The following TEX10 variants were observed in gnomAD, a reference collection of about 807,000 sequenced individuals.
TEX10 encodes the protein testis expressed 10.
A neutral mutation model predicts 104.4 loss-of-function variants in TEX10; 24 were observed. The ratio of observed to expected loss-of-function variants is 0.23; its 90% CI spans 0.17 to 0.32. The LOEUF is 0.32. Ranked by LOEUF, TEX10 falls within the 10% of genes least tolerant of loss-of-function variation. The probability of loss-of-function intolerance (pLI) is 1.00; values close to 1 mark genes in which losing one functional copy is unlikely to be tolerated. For synonymous variants in TEX10, 396 were observed against 393.4 expected (o/e 1.01, Z -0.08); for missense variants, 921 against 1,083.9 (o/e 0.85, Z 2.11).
chr9:100,329,743 AC>A (rs1282510206), intron 6 of TEX10, among the ~76,000 whole-genome samples, 187 bp downstream of exon 6: 1 of 152,104 alleles, frequency 6.6e-6, no homozygotes, highest in African/African-American at 2.4e-5. Flanking sequence ...GAGTGGACCT[AC>A]CCACTTAGAG....
chr9:100,340,459 A>C lies in TEX10; in HGVS notation c.1138-90T>G, dbSNP rs1022689111. 21 of 735,384 alleles carry C rather than the reference A, an allele frequency of 2.9e-5. No individual in the cohort carries two copies. The East Asian group carries it at 6.1e-4, about 21-fold the overall frequency. 45.6% of individuals were successfully genotyped at this position (735,384 alleles called of 1,614,324 possible). On this transcript the variant is annotated intron_variant, in intron 4 of 14. Transcript: ENST00000374902. ...AAGAGAAATGACAACTTGTCAAATA[A>C]ATGTCCCATCATAATTCACTTTCTA...
At chr9:100,348,321 C>T (rs749476197) in intron 2 of TEX10, among the ~76,000 whole-genome samples, 1 of 152,276 alleles carries the variant, frequency 6.6e-6, no homozygotes, top group South Asian at 2.1e-4. Flanking sequence ...GTGATAAAAA[C>T]GTTCTAAAAT....
chr9:100,347,487 C>G (rs1463561659), intron 2 of TEX10, 81 bp from the exon 3 acceptor site: 2 of 1,086,534 alleles, frequency 1.8e-6, no homozygotes, highest in Admixed American at 5.3e-5. Flanking sequence ...TAACACTACA[C>G]TAGTAAACTG....
intron 1 of TEX10, among the ~76,000 whole-genome samples, chr9:100,350,914 C>A (rs982766409): frequency 1.3e-5 from 2 of 152,186 alleles, no homozygotes; most frequent in Non-Finnish European, 2.9e-5. Flanking sequence ...AACTCTGACG[C>A]CTTCCAGCTG....
At chr9:100,311,028 G>C (rs1834267127) in intron 11 of TEX10, among the ~76,000 whole-genome samples, 2 of 152,082 alleles carry the variant, frequency 1.3e-5, no homozygotes, top group Admixed American at 1.3e-4. Flanking sequence ...AACTTCAGCA[G>C]GTTCTCGGAA....
intron 11 of TEX10, among the ~76,000 whole-genome samples, chr9:100,316,804 T>C (rs1353247857): frequency 1.4e-5 from 2 of 147,984 alleles, no homozygotes; most frequent in East Asian, 4.0e-4. Flanking sequence ...GAATTCAAGA[T>C]GTAAGATCAA....
chr9:100,349,488 G>T, intron 1 of TEX10, 116 bp from the exon 2 acceptor site: 1 of 628,670 alleles, frequency 1.6e-6, no homozygotes, highest in South Asian at 4.1e-5. Context: ...TCAAGAATCT[G>T]ATTATGCTGA....
At chr9:100,316,507 A>G (rs1427304569) in intron 11 of TEX10, among the ~76,000 whole-genome samples, 3 of 152,200 alleles carry the variant, frequency 2.0e-5, no homozygotes, top group Admixed American at 6.5e-5. Context: ...TATTCAACAT[A>G]GTACGGGACG....
At chr9:100,352,525 G>A in intron 1 of TEX10, 3 of 1,550,064 alleles carry the variant, frequency 1.9e-6, no homozygotes, top group East Asian at 2.4e-5. Flanking sequence ...AAACTCTCTC[G>A]GACCCGAAAC....
intron 4 of TEX10, among the ~76,000 whole-genome samples, chr9:100,341,795 A>G (rs1006285184): frequency 1.3e-5 from 2 of 152,242 alleles, no homozygotes; most frequent in Non-Finnish European, 2.9e-5. Context: ...CATGTAGGAC[A>G]GGACTGGTCA....
chr9:100,332,095 G>C (rs529843290), intron 5 of TEX10, among the ~76,000 whole-genome samples: 1 of 152,316 alleles, frequency 6.6e-6, no homozygotes, highest in South Asian at 2.1e-4. Flanking sequence ...ATGGCCAACA[G>C]ATAATTCAAT....
intron 5 of TEX10, among the ~76,000 whole-genome samples, chr9:100,330,781 G>A (rs1246242953): frequency 1.3e-5 from 2 of 152,154 alleles, no homozygotes; most frequent in African/African-American, 2.4e-5. Context: ...TTCAGACTGT[G>A]GTATATTCAA....
At chr9:100,306,628 A>T (rs1317266726) in intron 13 of TEX10, 1 of 152,228 alleles carries the variant, frequency 6.6e-6, no homozygotes, top group Non-Finnish European at 1.5e-5. Context: ...TAGCATTTTC[A>T]TCATTTTGTA....
At chr9:100,340,432 T>G in intron 4 of TEX10, 63 bp from the exon 5 acceptor site, 1 of 943,656 alleles carries the variant, frequency 1.1e-6, no homozygotes, top group Non-Finnish European at 1.6e-6. Flanking sequence ...CAATAAAACT[T>G]GAAGAGAAAT....
chr9:100,318,348 T>C (rs1024653973), intron 11 of TEX10, among the ~76,000 whole-genome samples: 1 of 152,166 alleles, frequency 6.6e-6, no homozygotes, highest in Non-Finnish European at 1.5e-5. Context: ...TTATCTTAAG[T>C]GAAACAAGTC....
Position 100,326,441 on chromosome 9 carries a change from A to G in TEX10, c.1840T>C (p.Ser614Pro). 1 of 1,614,048 alleles carries G rather than the reference A, an allele frequency of 6.2e-7. No individual in the cohort carries two copies. The highest frequency in any genetic ancestry group is 8.5e-7 in the Non-Finnish European group (1 of 1,179,976). The change falls in exon 9 of 15, where the codon TCT (serine) becomes CCT (proline). Residue 614 changes from serine (S) to proline (P), a missense_variant. Ser to Pro is a moderately conservative substitution (Grantham distance 74). Around this residue, in one of 3 missense-constraint regions of TEX10, gnomAD observed 753 missense variants for 868.4 expected, o/e 0.87. Coordinates refer to ENST00000374902, the MANE Select transcript of TEX10 (RefSeq NM_017746.4). ...ACAAGCTGAACCAAACGCTGCTGAG[A>G]GTCTGCAGGGAGAACCACCACAGCA... ...EGAVVVLPADSQQRLVQLVYF... is the reference protein window; with the variant it reads ...EGAVVVLPADPQQRLVQLVYF...
rs559892894 is a variant in TEX10 at position 100,352,114 on chromosome 9, C to A, written c.-10+658G>T. Among the ~76,000 whole-genome samples, 36 of 152,318 alleles carry A rather than the reference C, an allele frequency of 2.4e-4. 1 individual carries two copies. The highest frequency in any genetic ancestry group is 6.8e-3 in the Middle Eastern group (2 of 294). On this transcript the variant is annotated intron_variant, in intron 1 of 14. Coordinates refer to ENST00000374902, the MANE Select transcript of TEX10 (RefSeq NM_017746.4). ...ATAGTTTGCCTGCCACCTTCTTACCCTTCCTCATTTCCACCTTCTTTTCCA... is the reference window on the plus strand; with the variant it reads ...ATAGTTTGCCTGCCACCTTCTTACCATTCCTCATTTCCACCTTCTTTTCCA...
intron 8 of TEX10, 106 bp downstream of exon 8, chr9:100,327,681 T>A (rs1198405509): frequency 1.0e-5 from 8 of 795,634 alleles, no homozygotes; most frequent in Non-Finnish European, 1.5e-5. Context: ...GTATTACTAA[T>A]TCAGACTAAG....
In TEX10 at chr9:100,349,244, C is replaced by CAGAT. The variant is rs1428748502; in HGVS notation, c.116_119dup (p.Pro41SerfsTer3). 6.3e-7 allele frequency: 1 copy of CAGAT among 1,596,582 alleles called. No homozygotes were observed. Among genetic ancestry groups the CAGAT allele is most frequent in the Non-Finnish European group, 8.5e-7 (1 of 1,174,332 alleles). ...TTCCATCCTCTTTGAGTTGCTCAGG[C>CAGAT]AGATGTATAGTCTTTGTTTTAAAGT... On this transcript the variant is annotated frameshift_variant, in exon 2 of 15. Coordinates refer to ENST00000374902, the MANE Select transcript of TEX10 (RefSeq NM_017746.4). LOFTEE classifies it high-confidence loss of function.
Sources: allele counts gnomAD v4.1 joint callset (sites outside exome capture counted in the v4.1 genomes callset), GRCh38; gene constraint gnomAD v4.1.1; regional missense constraint gnomAD v4.1.1; transcripts MANE v1.5; gene names NCBI Gene and HGNC (gene_info 2026-07-23, HGNC 2026-07-21).